AGBL1: variants seen among roughly 807,000 people sequenced by gnomAD.
AGBL1 encodes the protein cytosolic carboxypeptidase 4.
In AGBL1, 130 loss-of-function variants were observed where a neutral mutation model predicts 118.9. That is an observed-to-expected ratio of 1.09 (90% CI 0.95 to 1.26). AGBL1 has a LOEUF of 1.26. Among genes scored for constraint, AGBL1 ranks in the 50% most tolerant of loss-of-function variants. AGBL1 has a pLI of 0.00. For synonymous variants in AGBL1, 555 were observed against 478.9 expected, an observed-to-expected ratio of 1.16 and a Z score of -2.08; for missense variants, 1,584 against 1,298.1, an observed-to-expected ratio of 1.22 and a Z score of -3.38.
chr15:86,931,768 C>T (rs1037225220), intron 23 of AGBL1, among the ~76,000 whole-genome samples: 3 of 152,140 alleles, frequency 2.0e-5, no homozygotes, highest in Non-Finnish European at 2.9e-5. Context: ...CTTCTTAAAA[C>T]AAGCCAGTGC....
At chr15:86,347,217 T>C (rs1158601859) in intron 17 of AGBL1, among the ~76,000 whole-genome samples, 1 of 152,210 alleles carries the variant, frequency 6.6e-6, no homozygotes, top group African/African-American at 2.4e-5. Flanking sequence ...ATCTACTAAA[T>C]GGATGATAAA....
intron 22 of AGBL1, among the ~76,000 whole-genome samples, chr15:86,803,118 T>A (rs2078672819): frequency 6.6e-6 from 1 of 152,128 alleles, no homozygotes; most frequent in Non-Finnish European, 1.5e-5. Context: ...ATAAGGAGCA[T>A]CATGTATAGC....
chr15:86,921,648 C>T (rs574127001), intron 23 of AGBL1, among the ~76,000 whole-genome samples: 1 of 152,168 alleles, frequency 6.6e-6, no homozygotes, highest in East Asian at 1.9e-4. Flanking sequence ...GTCCCTACTC[C>T]CTCTTGATGA....
At chr15:86,405,179 C>A (rs112689615) in intron 18 of AGBL1, among the ~76,000 whole-genome samples, 3,659 of 152,240 alleles carry the variant, frequency 0.024, 58 homozygotes, top group Middle Eastern at 0.068. Flanking sequence ...AATCAGTCTT[C>A]TAGTCTTGTT....
At chr15:86,306,498 CT>C (rs964531991) in intron 17 of AGBL1, among the ~76,000 whole-genome samples, 1 of 152,118 alleles carries the variant, frequency 6.6e-6, no homozygotes, top group Non-Finnish European at 1.5e-5. Flanking sequence ...GAATCTTATT[CT>C]TTTTTATGGC....
chr15:86,236,917 A>T (rs1314315191), intron 6 of AGBL1, among the ~76,000 whole-genome samples: 2 of 38,122 alleles, frequency 5.2e-5, no homozygotes, highest in Admixed American at 4.4e-4. Context: ...TTCCACACAC[A>T]CGGGGATATG....
chr15:86,419,010 A>G (rs543559099), intron 18 of AGBL1, among the ~76,000 whole-genome samples: 1 of 152,270 alleles, frequency 6.6e-6, no homozygotes, highest in South Asian at 2.1e-4. Flanking sequence ...TCCCTCTTGG[A>G]TATGAGTAGA....
chr15:86,224,226 G>A (rs2078323860), intron 5 of AGBL1, among the ~76,000 whole-genome samples: 1 of 152,132 alleles, frequency 6.6e-6, no homozygotes, highest in East Asian at 1.9e-4. Flanking sequence ...TTGCCCTGTA[G>A]GTAGATTTTT....
intron 9 of AGBL1, 147 bp downstream of exon 9, chr15:86,258,178 T>C (rs969919864): frequency 1.4e-5 from 10 of 730,576 alleles, no homozygotes; most frequent in Non-Finnish European, 2.0e-5. Flanking sequence ...GCGCAGTAAA[T>C]GATAGCTACT....
chr15:86,768,963 C>T (rs1241632633), intron 22 of AGBL1, among the ~76,000 whole-genome samples: 1 of 151,886 alleles, frequency 6.6e-6, no homozygotes, highest in African/African-American at 2.4e-5. Context: ...AGGTTTTTAA[C>T]CTACTTGCTA....
At chr15:86,130,671 T>A (rs1182926191) in intron 1 of AGBL1, among the ~76,000 whole-genome samples, 4 of 152,214 alleles carry the variant, frequency 2.6e-5, no homozygotes, top group Non-Finnish European at 4.4e-5. Flanking sequence ...TTTTTCTTTT[T>A]CACTGTCATG....
At chr15:86,320,231 C>T (rs1029298979) in intron 17 of AGBL1, among the ~76,000 whole-genome samples, 2 of 152,082 alleles carry the variant, frequency 1.3e-5, no homozygotes, top group Non-Finnish European at 2.9e-5. Context: ...ATCTAATGCT[C>T]CTCTCCAAGG....
At chr15:86,338,032 T>C (rs2080401748) in intron 17 of AGBL1, among the ~76,000 whole-genome samples, 1 of 151,990 alleles carries the variant, frequency 6.6e-6, no homozygotes, top group African/African-American at 2.4e-5. Context: ...CCCTTTGAGT[T>C]TGCAATCTAG....
chr15:86,632,368 A>C (rs1184711013), intron 21 of AGBL1, among the ~76,000 whole-genome samples: 19 of 151,520 alleles, frequency 1.3e-4, no homozygotes, highest in Admixed American at 1.2e-3. Flanking sequence ...GCTTGAACCC[A>C]GGAGGCGGAG....
chr15:86,448,286 C>T (rs1332741361), intron 18 of AGBL1, among the ~76,000 whole-genome samples: 1 of 152,200 alleles, frequency 6.6e-6, no homozygotes, highest in Admixed American at 6.5e-5. Context: ...TCATTGTTTA[C>T]GAACGCCATT....
At chr15:86,964,056 T>TG (rs770733800) in intron 23 of AGBL1, among the ~76,000 whole-genome samples, 5,571 of 151,332 alleles carry the variant, frequency 0.037, 140 homozygotes, top group Middle Eastern at 0.071. Context: ...TGTGTGTGTG[T>TG]TTGTGTGTGA....
chr15:86,546,755 G>A (rs567504354), intron 20 of AGBL1, among the ~76,000 whole-genome samples: 7 of 152,246 alleles, frequency 4.6e-5, no homozygotes, highest in Admixed American at 3.9e-4. Context: ...TAGGAAATTA[G>A]GGAGGGGTAA....
chr15:86,604,781 T>G (rs948099134), intron 21 of AGBL1, among the ~76,000 whole-genome samples: 9 of 151,312 alleles, frequency 5.9e-5, no homozygotes, highest in African/African-American at 1.9e-4. Context: ...TTTCTTTCTT[T>G]TTTTTTCTTT....
At chr15:86,376,914 A>G (rs887467974) in intron 17 of AGBL1, among the ~76,000 whole-genome samples, 1 of 152,234 alleles carries the variant, frequency 6.6e-6, no homozygotes. Flanking sequence ...ATTAACTCTT[A>G]AATTCCCCTT....
Sources: allele counts gnomAD v4.1 joint callset (sites outside exome capture counted in the v4.1 genomes callset), GRCh38; gene constraint gnomAD v4.1.1; transcripts MANE v1.5; gene names NCBI Gene and HGNC (gene_info 2026-07-23, HGNC 2026-07-21).